The following OTUD7A variants were observed in gnomAD, a reference collection of about 807,000 sequenced individuals.
OTUD7A encodes the protein OTU domain-containing protein 7A.
In OTUD7A, 12 loss-of-function variants were observed where a neutral mutation model predicts 65.7. The observed-to-expected ratio is 0.18, with a 90% confidence interval of 0.12 to 0.30. The LOEUF (loss-of-function observed/expected upper bound fraction) is 0.30, where lower values mean the gene tolerates loss of function less well. Among genes scored for constraint, OTUD7A ranks in the 10% least tolerant of loss-of-function variants. The pLI is 1.00. For missense variants in OTUD7A, 1,148 were observed against 1,304.8 expected (o/e 0.88, Z 1.85); for synonymous variants, 641 against 586.3 (o/e 1.09, Z -1.35).
chr15:31,703,129 T>C (rs1437563981), intron 1 of OTUD7A, among the ~76,000 whole-genome samples: 2 of 152,024 alleles, frequency 1.3e-5, no homozygotes, highest in African/African-American at 4.8e-5. Context: ...CAAACTTGAA[T>C]GTAAAATATA....
intron 8 of OTUD7A, among the ~76,000 whole-genome samples, chr15:31,504,809 G>A (rs919477869): frequency 3.3e-5 from 5 of 152,178 alleles, no homozygotes; most frequent in African/African-American, 1.2e-4. Context: ...AATGCAGGGT[G>A]TGAATCCTAG....
At chr15:31,544,175 T>C (rs1370015447) in intron 5 of OTUD7A, among the ~76,000 whole-genome samples, 1 of 151,504 alleles carries the variant, frequency 6.6e-6, no homozygotes, top group Non-Finnish European at 1.5e-5. Flanking sequence ...TCAGAAAATA[T>C]TTTGAAACCA....
At chr15:31,821,833 C>A (rs1896690323) in intron 1 of OTUD7A, among the ~76,000 whole-genome samples, 1 of 152,178 alleles carries the variant, frequency 6.6e-6, no homozygotes, top group Admixed American at 6.5e-5. Flanking sequence ...CTGTCTCATT[C>A]TGCTTTTGGT....
At chr15:31,824,814 C>T (rs1418570036) in intron 1 of OTUD7A, among the ~76,000 whole-genome samples, 1 of 152,190 alleles carries the variant, frequency 6.6e-6, no homozygotes, top group East Asian at 1.9e-4. Context: ...CCCATTTATA[C>T]TAAGCTCTGT....
intron 1 of OTUD7A, among the ~76,000 whole-genome samples, chr15:31,794,409 A>G (rs1159888309): frequency 6.6e-6 from 1 of 151,876 alleles, no homozygotes; most frequent in Non-Finnish European, 1.5e-5. Context: ...TGAAGCAGAA[A>G]GCAATGTGAC....
intron 10 of OTUD7A, among the ~76,000 whole-genome samples, chr15:31,496,457 C>T (rs2041385915): frequency 6.6e-6 from 1 of 152,042 alleles, no homozygotes; most frequent in Non-Finnish European, 1.5e-5. Context: ...CTCCTGACCT[C>T]GTGATCCGCC....
intron 1 of OTUD7A, among the ~76,000 whole-genome samples, chr15:31,750,880 A>G (rs1041101347): frequency 3.3e-5 from 5 of 152,248 alleles, no homozygotes; most frequent in Non-Finnish European, 7.3e-5. Flanking sequence ...CCATATGCAG[A>G]AGAATGAAAC....
intron 1 of OTUD7A, among the ~76,000 whole-genome samples, chr15:31,849,934 C>G (rs1041508726): frequency 1.5e-4 from 23 of 152,022 alleles, no homozygotes; most frequent in Admixed American, 1.5e-3. Flanking sequence ...GAAATACGAA[C>G]ACTTTTAGAC....
intron 3 of OTUD7A, among the ~76,000 whole-genome samples, chr15:31,585,678 T>C (rs1432306136): frequency 6.6e-6 from 1 of 152,230 alleles, no homozygotes; most frequent in Non-Finnish European, 1.5e-5. Context: ...TCCTTCTCAC[T>C]TGCAACCTCC....
intron 1 of OTUD7A, among the ~76,000 whole-genome samples, chr15:31,669,085 C>G (rs974776005): frequency 6.6e-6 from 1 of 152,186 alleles, no homozygotes; most frequent in East Asian, 1.9e-4. Context: ...TGCAAGGATT[C>G]TTAGCTTTGG....
At chr15:31,853,348 G>C (rs1897479426) in intron 1 of OTUD7A, among the ~76,000 whole-genome samples, 1 of 152,080 alleles carries the variant, frequency 6.6e-6, no homozygotes, top group Admixed American at 6.5e-5. Flanking sequence ...GAAAGCCCCA[G>C]AAACAATGAA....
At chr15:31,727,027 G>C (rs916096307) in intron 1 of OTUD7A, among the ~76,000 whole-genome samples, 13 of 152,258 alleles carry the variant, frequency 8.5e-5, no homozygotes, top group African/African-American at 3.1e-4. Flanking sequence ...GAGGGAGACA[G>C]GAGGCTGTGG....
At chr15:31,790,419 G>A (rs1895783708) in intron 1 of OTUD7A, among the ~76,000 whole-genome samples, 1 of 152,220 alleles carries the variant, frequency 6.6e-6, no homozygotes, top group East Asian at 1.9e-4. Context: ...GGCCCTAAAA[G>A]GAGAGGCCAT....
intron 1 of OTUD7A, among the ~76,000 whole-genome samples, chr15:31,797,162 G>A (rs970822195): frequency 6.6e-6 from 1 of 152,154 alleles, no homozygotes; most frequent in East Asian, 1.9e-4. Context: ...CTGGTGTCAT[G>A]CCCCTTGAAC....
At chr15:31,643,276 C>T (rs1418407204) in intron 3 of OTUD7A, among the ~76,000 whole-genome samples, 3 of 152,242 alleles carry the variant, frequency 2.0e-5, no homozygotes, top group Non-Finnish European at 2.9e-5. Context: ...TGCACCACTG[C>T]ACCTGGCTTT....
intron 1 of OTUD7A, among the ~76,000 whole-genome samples, chr15:31,822,356 C>T (rs901664688): frequency 6.6e-6 from 1 of 152,172 alleles, no homozygotes; most frequent in African/African-American, 2.4e-5. Context: ...ACTGGGAACC[C>T]TTGGGCATCA....
chr15:31,677,583 G>C (rs1892621992), intron 1 of OTUD7A, among the ~76,000 whole-genome samples: 3 of 152,092 alleles, frequency 2.0e-5, no homozygotes, highest in Admixed American at 1.3e-4. Context: ...GTTTTTATAA[G>C]TGCCTGGCAT....
chr15:31,622,723 C>T (rs1185369284), intron 3 of OTUD7A, among the ~76,000 whole-genome samples: 1 of 152,188 alleles, frequency 6.6e-6, no homozygotes, highest in Non-Finnish European at 1.5e-5. Flanking sequence ...CCTCCTTTAG[C>T]TCAGAAAAGT....
intron 3 of OTUD7A, among the ~76,000 whole-genome samples, chr15:31,607,851 G>A (rs914123401): frequency 6.6e-6 from 1 of 152,186 alleles, no homozygotes; most frequent in Admixed American, 6.5e-5. Context: ...TGTGATGTTT[G>A]CACAATGGGG....
Sources: gnomAD v4.1 joint callset for allele counts (sites outside exome capture counted in the v4.1 genomes callset) on GRCh38, gnomAD v4.1.1 for gene constraint, MANE v1.5 for transcripts, NCBI Gene and HGNC (gene_info 2026-07-23, HGNC 2026-07-21) for gene names.